Variants in EEF2 observed in about 807,000 individuals in gnomAD.
The protein encoded by EEF2 is elongation factor 2.
Under a neutral mutation model 85.3 loss-of-function variants are expected in EEF2, and 21 were observed. The observed-to-expected ratio is 0.25, with a 90% CI of 0.17 to 0.35. The LOEUF is 0.35. EEF2 is among the 10% of genes least tolerant of loss of function. EEF2 has a pLI of 1.00. For missense variants in EEF2, 825 were observed against 1,225.3 expected (o/e 0.67, Z 4.88); for synonymous variants, 723 against 508.8 (o/e 1.42, Z -5.67).
At chr19:3,981,737 T>C (rs1302556315) in intron 6 of EEF2, among the ~76,000 whole-genome samples, 1 of 152,342 alleles carries the variant, frequency 6.6e-6, no homozygotes, top group East Asian at 1.9e-4. Context: ...ACCCCCTCAA[T>C]GCAGGAGAGG....
At chr19:3,978,967 T>C (rs924205298) in intron 11 of EEF2, among the ~76,000 whole-genome samples, 1 of 150,090 alleles carries the variant, frequency 6.7e-6, no homozygotes, top group East Asian at 2.0e-4. Flanking sequence ...CTACTAAAAA[T>C]ACAAAAAAAA....
chr19:3,978,222 T>A, intron 11 of EEF2, 50 bp from the exon 12 acceptor site: 1 of 1,408,114 alleles, frequency 7.1e-7, no homozygotes, highest in Non-Finnish European at 9.4e-7. Flanking sequence ...GAGGTGACCT[T>A]ACACACAGAC....
chr19:3,984,363 A>T lies in EEF2; in HGVS notation c.4-13T>A. On this transcript the variant is annotated splice_polypyrimidine_tract_variant and intron_variant, in intron 1 of 14. Coordinates refer to ENST00000309311, the MANE Select transcript of EEF2 (RefSeq NM_001961.4). Reference sequence around the variant, plus strand: ...CCGTGAAGTTCACCTGGGCAAGACAAGGAGGCTCAGACCAGCTCGTGATTT... The same window carrying T: ...CCGTGAAGTTCACCTGGGCAAGACATGGAGGCTCAGACCAGCTCGTGATTT... The T allele has an allele frequency of 6.2e-7, 1 of 1,613,086 alleles. No homozygotes were observed. Among genetic ancestry groups the T allele is most frequent in the Non-Finnish European group, 8.5e-7 (1 of 1,179,136 alleles).
rs775750783 is a variant in EEF2 at position 3,980,603 on chromosome 19, C to G, written c.1257G>C (p.Gly419=). 6 of 1,614,128 alleles carry G rather than the reference C, an allele frequency of 3.7e-6. No homozygotes were observed. The highest frequency in any genetic ancestry group is 5.1e-6 in the Non-Finnish European group (6 of 1,180,052). Residue 419 remains glycine (G), a synonymous_variant, in exon 9 of 15, where the codon GGG becomes GGC. Coordinates refer to ENST00000309311, the MANE Select transcript of EEF2 (RefSeq NM_001961.4). ...RFYAFGRVFS[G]LVSTGLKVRI... ...TGACCTTCAGGCCAGTGGAGACCAG[C>G]CCCGAGAAGACTCGTCCAAAGGCGT...
intron 11 of EEF2, among the ~76,000 whole-genome samples, 162 bp downstream of exon 11, chr19:3,979,167 G>A (rs549398969): frequency 2.0e-5 from 3 of 152,116 alleles, no homozygotes; most frequent in Admixed American, 2.0e-4. Flanking sequence ...AGCCCCACAT[G>A]CCTGTGGAAG....
rs1231286361 is a variant in EEF2, at chr19:3,977,854, T to C, written c.2032A>G (p.Ser678Gly). Reference protein sequence around the residue: ...GVQYLNEIKDSVVAGFQWATK... With the variant: ...GVQYLNEIKDGVVAGFQWATK... ...GCCCACTGGAAGCCGGCCACCACAC[T>C]GTCCTTGATCTCGTTGAGGTACTGC... Residue 678 changes from serine to glycine, a missense_variant, in exon 12 of 15, where the codon AGT (serine) becomes GGT (glycine). Physicochemically the swap from Ser to Gly is moderately conservative, Grantham distance 56 (BLOSUM62 0). Transcript: ENST00000309311. The surrounding 1 kb of genome is among the most constrained non-coding windows in gnomAD (Gnocchi z 5.4). 6.2e-7 allele frequency: 1 copy of C among 1,600,402 alleles called. No individual in the cohort carries two copies. Among genetic ancestry groups the C allele is most frequent in the Non-Finnish European group, 8.5e-7 (1 of 1,170,078 alleles).
Position 3,976,364 on chromosome 19 carries a change from C to G in EEF2, c.*190G>C, listed in dbSNP as rs1031802249. 1 of 580,884 alleles carries G rather than the reference C, an allele frequency of 1.7e-6. No homozygotes were observed. The highest frequency in any genetic ancestry group is 2.0e-5 in the South Asian group (1 of 50,548). The allele number at this position is 580,884 out of a possible 1,614,324, so 36.0% of individuals were successfully genotyped here. A position where few individuals can be genotyped will look rare whatever the true frequency, so the allele number is the denominator to read the frequency against. The stretch of plus-strand genomic sequence containing the variant: ...AGGGCGTGTCTGCTGCCTCCGGACT[C>G]TGGAAATAAATATTGAAAGAAACGG... On this transcript the variant is annotated 3_prime_UTR_variant, in exon 15 of 15. Transcript: ENST00000309311.
Position 3,977,446 on chromosome 19 carries a change from G to A in EEF2, c.2232C>T (p.Ile744=), listed in dbSNP as rs775458404. ...ACCTCACCTGGATCTCCACAAGGTAGATGGGCTCCATGAGGCGTGGCTGGG... is the reference window on the plus strand; with the variant it reads ...ACCTCACCTGGATCTCCACAAGGTAAATGGGCTCCATGAGGCGTGGCTGGG... The part of the protein sequence containing the change: ...LTAQPRLMEP[I]YLVEIQCPEQ... Residue 744 remains isoleucine, a synonymous_variant, in exon 13 of 15, where the codon ATC becomes ATT. Transcript: ENST00000309311. This position sits in a 1 kb window ranked among gnomAD's most constrained non-coding sequence, Gnocchi z 5.4. 19 of 1,582,942 alleles carry A rather than the reference G, an allele frequency of 1.2e-5. No homozygotes were observed. Among genetic ancestry groups the A allele is most frequent in the East Asian group, 2.3e-5 (1 of 44,312 alleles).
At chr19:3,984,494 G>T in intron 1 of EEF2, 144 bp from the exon 2 acceptor site, 1 of 807,192 alleles carries the variant, frequency 1.2e-6, no homozygotes, top group Non-Finnish European at 2.0e-6. Flanking sequence ...AATCTTGCCA[G>T]CCTAACACCC....
chr19:3,981,748 T>TC (rs1464076832), intron 6 of EEF2, among the ~76,000 whole-genome samples, 199 bp downstream of exon 6: 4 of 152,120 alleles, frequency 2.6e-5, no homozygotes, highest in African/African-American at 7.2e-5. Context: ...GCAGGAGAGG[T>TC]CCCAAGGCTC....
At chr19:3,984,501 A>C in intron 1 of EEF2, 151 bp from the exon 2 acceptor site, 1 of 745,292 alleles carries the variant, frequency 1.3e-6, no homozygotes, top group Non-Finnish European at 2.2e-6. Flanking sequence ...CCAGCCTAAC[A>C]CCCCTTAAGA....
intron 2 of EEF2, 65 bp from the exon 3 acceptor site, chr19:3,983,356 G>A: frequency 6.6e-7 from 1 of 1,524,638 alleles, no homozygotes; most frequent in Non-Finnish European, 8.9e-7. Flanking sequence ...AGTCTGGGAT[G>A]CTGTCAGAAG....
chr19:3,984,476 G>A (rs1694110510), intron 1 of EEF2, 126 bp from the exon 2 acceptor site: 1 of 1,009,000 alleles, frequency 9.9e-7, no homozygotes, highest in Non-Finnish European at 1.5e-6. Flanking sequence ...GGTGCCCCAA[G>A]CCCACCGAAT....
At chr19:3,978,849 T>C (rs982284907) in intron 11 of EEF2, among the ~76,000 whole-genome samples, 4 of 122,556 alleles carry the variant, frequency 3.3e-5, no homozygotes, top group African/African-American at 9.2e-5. Flanking sequence ...GGGCCAGGCA[T>C]GGTGGCTCAC....
In EEF2 at chr19:3,980,645, G is replaced by A. The variant is rs143237258; in HGVS notation, c.1215C>T (p.Ser405=). ...CAAAGGCGTAGAACCGACCTTTGTC[G>A]GAGGTTGGCACCATTTTGGAAATAT... ...MMYISKMVPT[S]DKGRFYAFGR... Residue 405 remains serine, a synonymous_variant, in exon 9 of 15, where the codon TCC becomes TCT. Coordinates refer to ENST00000309311, the MANE Select transcript of EEF2 (RefSeq NM_001961.4). The A allele has an allele frequency of 4.4e-4, 703 of 1,614,212 alleles. 6 individuals are homozygous for A. The Admixed American group carries it at 0.011, about 24-fold the overall frequency.
chr19:3,979,508 CT>C, intron 10 of EEF2, 72 bp from the exon 11 acceptor site: 2 of 1,356,914 alleles, frequency 1.5e-6, no homozygotes, highest in Non-Finnish European at 1.0e-6. Flanking sequence ...CCCAGCTTCC[CT>C]TTAGCTAGGG....
At chr19:3,979,009 T>A (rs2039711252) in intron 11 of EEF2, among the ~76,000 whole-genome samples, 1 of 151,104 alleles carries the variant, frequency 6.6e-6, no homozygotes, top group South Asian at 2.1e-4. Context: ...GCGCCTGTAG[T>A]CCCAGTTACT....
intron 11 of EEF2, among the ~76,000 whole-genome samples, chr19:3,978,537 G>A (rs374333699): frequency 2.3e-4 from 35 of 152,116 alleles, no homozygotes; most frequent in African/African-American, 8.2e-4. Flanking sequence ...CGGGCGTGGT[G>A]GCTCACGCCT....
intron 11 of EEF2, among the ~76,000 whole-genome samples, chr19:3,978,425 AG>A (rs2039703163): frequency 5.3e-5 from 8 of 152,154 alleles, no homozygotes; most frequent in Non-Finnish European, 1.0e-4. Context: ...TTAACAGGGA[AG>A]AAACGAGGTC....
Sources: gnomAD v4.1 joint callset for allele counts (sites outside exome capture counted in the v4.1 genomes callset) on GRCh38, gnomAD v4.1.1 for gene constraint, Gnocchi (gnomAD v3.1) non-coding constraint, MANE v1.5 for transcripts, NCBI Gene and HGNC (gene_info 2026-07-23, HGNC 2026-07-21) for gene names.